KLF12: variants seen among roughly 807,000 people sequenced by gnomAD.
The protein encoded by KLF12 is Krueppel-like factor 12.
KLF12 carries 9 observed loss-of-function variants against 37.8 expected under a neutral mutation model. That is an observed-to-expected ratio of 0.24 (90% CI 0.14 to 0.42). KLF12 has a LOEUF of 0.42. Ranked by LOEUF, KLF12 falls within the 10% of genes least tolerant of loss-of-function variation. KLF12 has a pLI of 1.00. For synonymous variants in KLF12, 208 were observed against 202.1 expected, an observed-to-expected ratio of 1.03 and a Z score of -0.25; for missense variants, 411 against 516.0, an observed-to-expected ratio of 0.80 and a Z score of 1.97.
chr13:74,223,248 C>A, the KLF12 span, among the ~76,000 whole-genome samples: 2 of 152,176 alleles, frequency 1.3e-5, no homozygotes, highest in Admixed American at 1.3e-4. Flanking sequence ...TTTAACAATA[C>A]ACAATCGGAC....
intron 5 of KLF12, among the ~76,000 whole-genome samples, chr13:73,785,920 C>T (rs1881312082): frequency 1.3e-5 from 2 of 152,156 alleles, no homozygotes; most frequent in Non-Finnish European, 2.9e-5. Context: ...TTCCTTCCAG[C>T]CCCCTGTCTT....
the KLF12 span, among the ~76,000 whole-genome samples, chr13:74,268,290 T>C: frequency 1.3e-4 from 20 of 152,186 alleles, no homozygotes; most frequent in Admixed American, 7.9e-4. Flanking sequence ...TTACTTTTTT[T>C]AGTGGGACAT....
intron 4 of KLF12, among the ~76,000 whole-genome samples, chr13:73,843,790 G>A (rs997783348): frequency 6.6e-6 from 1 of 152,096 alleles, no homozygotes; most frequent in Non-Finnish European, 1.5e-5. Context: ...TATTCCTAAT[G>A]ACCATAGCAC....
Position 73,695,437 on chromosome 13 carries a change from T to C in KLF12, c.*53A>G. On this transcript the variant is annotated 3_prime_UTR_variant, in exon 8 of 8. Transcript: ENST00000377669. ...TGAAGGGGATTCAGCCCTGCTGAATTGGGTGCCGCTAAGAGATCCAGCTCT... is the reference window on the plus strand; with the variant it reads ...TGAAGGGGATTCAGCCCTGCTGAATCGGGTGCCGCTAAGAGATCCAGCTCT... 6.4e-7 allele frequency: 1 copy of C among 1,566,994 alleles called. No homozygotes were observed. Among genetic ancestry groups the C allele is most frequent in the Non-Finnish European group, 8.8e-7 (1 of 1,141,834 alleles).
At position 73,687,368 on chromosome 13, in the gene KLF12, A is replaced by G. The variant is rs1678847377; in HGVS notation, c.*8122T>C. ...GGGGGACAGTGATTTTTCAAAATGA[A>G]GCTTTAAACACAACAAATCGTGGAC... On this transcript the variant is annotated 3_prime_UTR_variant, in exon 8 of 8. Transcript: ENST00000377669. 6.6e-6 allele frequency: 1 copy of G among 152,670 alleles called. No homozygotes were observed. The highest frequency in any genetic ancestry group is 2.4e-5 in the African/African-American group (1 of 41,460). The allele number at this position is 152,670 out of a possible 1,614,324, so 9.5% of individuals were successfully genotyped here.
At chr13:74,270,184 G>C in the KLF12 span, among the ~76,000 whole-genome samples, 1 of 151,998 alleles carries the variant, frequency 6.6e-6, no homozygotes, top group Admixed American at 6.6e-5. Flanking sequence ...TTCATGATGA[G>C]CCGTTCAGAT....
At chr13:74,252,677 A>G in the KLF12 span, among the ~76,000 whole-genome samples, 3 of 152,242 alleles carry the variant, frequency 2.0e-5, no homozygotes, top group Non-Finnish European at 2.9e-5. Flanking sequence ...TCATGATTAT[A>G]TAAGGCAAAT....
chr13:74,068,209 G>A (rs991770119), intron 1 of KLF12, among the ~76,000 whole-genome samples: 6 of 152,170 alleles, frequency 3.9e-5, no homozygotes, highest in African/African-American at 1.4e-4. Context: ...GAAATAAGAG[G>A]ATGAAATGCA....
chr13:74,100,032 C>T (rs957252755), intron 1 of KLF12, among the ~76,000 whole-genome samples: 1 of 151,808 alleles, frequency 6.6e-6, no homozygotes, highest in Non-Finnish European at 1.5e-5. Context: ...ACCAAGTACA[C>T]AGAGTGTGGA....
chr13:73,806,223 C>A (rs80037989), intron 5 of KLF12, among the ~76,000 whole-genome samples: 27,475 of 151,508 alleles, frequency 0.18, 3,257 homozygotes, highest in East Asian at 0.44. Flanking sequence ...TCTGCCTCAG[C>A]CCCCTGAGTT....
At chr13:73,901,302 C>T (rs923258968) in intron 3 of KLF12, among the ~76,000 whole-genome samples, 12 of 152,114 alleles carry the variant, frequency 7.9e-5, no homozygotes, top group African/African-American at 2.7e-4. Flanking sequence ...CCACATTCAA[C>T]CTTTTTCTAC....
chr13:74,132,043 G>A (rs1878287908), intron 1 of KLF12, among the ~76,000 whole-genome samples: 2 of 151,926 alleles, frequency 1.3e-5, no homozygotes, highest in South Asian at 2.1e-4. Context: ...CTCCTTTATC[G>A]GAACCAATTT....
At chr13:74,278,638 G>A in the KLF12 span, among the ~76,000 whole-genome samples, 1 of 152,138 alleles carries the variant, frequency 6.6e-6, no homozygotes. Context: ...GGACCACATT[G>A]CGCTCCAATA....
chr13:73,981,759 G>A (rs1401995791), intron 2 of KLF12, among the ~76,000 whole-genome samples: 2 of 152,142 alleles, frequency 1.3e-5, no homozygotes, highest in Non-Finnish European at 2.9e-5. Context: ...AAGCTGCCTT[G>A]TCCCTTCTGC....
chr13:74,195,116 T>C, the KLF12 span, among the ~76,000 whole-genome samples: 1 of 152,300 alleles, frequency 6.6e-6, no homozygotes, highest in African/African-American at 2.4e-5. Context: ...AATCTTCACT[T>C]TTCCAAGCTC....
At chr13:73,760,385 A>G (rs1879471528) in intron 6 of KLF12, among the ~76,000 whole-genome samples, 1 of 152,260 alleles carries the variant, frequency 6.6e-6, no homozygotes, top group Admixed American at 6.5e-5. Flanking sequence ...AGGTGGCACA[A>G]TCATACCTCA....
chr13:73,858,894 T>G (rs1194910233), intron 3 of KLF12, among the ~76,000 whole-genome samples: 1 of 152,182 alleles, frequency 6.6e-6, no homozygotes, highest in Non-Finnish European at 1.5e-5. Flanking sequence ...ACTGAAAAAG[T>G]AAATGTTCAA....
chr13:74,171,236 CA>C, the KLF12 span, among the ~76,000 whole-genome samples: 1 of 152,132 alleles, frequency 6.6e-6, no homozygotes, highest in Non-Finnish European at 1.5e-5. Flanking sequence ...ATGCCTTGCT[CA>C]AAGAGTGAAA....
At chr13:74,110,921 G>A (rs968612090) in intron 1 of KLF12, among the ~76,000 whole-genome samples, 5 of 152,150 alleles carry the variant, frequency 3.3e-5, no homozygotes, top group African/African-American at 1.2e-4. Context: ...GGAAGGCTGA[G>A]GTGGGCGGAT....
Sources: gnomAD v4.1 joint callset for allele counts (sites outside exome capture counted in the v4.1 genomes callset) on GRCh38, gnomAD v4.1.1 for gene constraint, MANE v1.5 for transcripts, NCBI Gene and HGNC (gene_info 2026-07-23, HGNC 2026-07-21) for gene names.